The following DCUN1D3 variants were observed in gnomAD, a reference collection of about 807,000 sequenced individuals.
DCUN1D3 encodes the protein DCN1-like protein 3.
In DCUN1D3, 6 loss-of-function variants were observed where a neutral mutation model predicts 24.8. The ratio of observed to expected loss-of-function variants is 0.24; its 90% CI spans 0.13 to 0.48. The LOEUF is 0.48. Ranked by LOEUF, DCUN1D3 falls within the 20% of genes least tolerant of loss-of-function variation. The pLI, the probability that DCUN1D3 is intolerant of heterozygous loss-of-function variation, is 0.99. For synonymous variants in DCUN1D3, 120 were observed against 144.9 expected (o/e 0.83, Z 1.24); for missense variants, 258 against 379.4 (o/e 0.68, Z 2.66).
chr16:20,897,927 C>T (rs2081924540), intron 1 of DCUN1D3, among the ~76,000 whole-genome samples: 1 of 152,202 alleles, frequency 6.6e-6, no homozygotes. Flanking sequence ...AATTAATCAA[C>T]AAGCAGCATC....
intron 1 of DCUN1D3, among the ~76,000 whole-genome samples, chr16:20,864,903 TACTC>T (rs1469479250): frequency 1.3e-5 from 2 of 152,042 alleles, no homozygotes; most frequent in African/African-American, 4.8e-5. Context: ...GAAAACCAAA[TACTC>T]ACTTATAAAG....
At position 20,856,633 on chromosome 16, in the gene DCUN1D3, G is replaced by T. The variant is rs1000391026; in HGVS notation, c.*3253C>A. The T allele has an allele frequency of 6.6e-6, 1 of 152,126 alleles. No homozygotes were observed. Among genetic ancestry groups the T allele is most frequent in the Non-Finnish European group, 1.5e-5 (1 of 68,026 alleles). The allele number at this position is 152,126 out of a possible 1,614,324, so 9.4% of individuals were successfully genotyped here. A position where few individuals can be genotyped will look rare whatever the true frequency, so the allele number is the denominator to read the frequency against. On this transcript the variant is annotated 3_prime_UTR_variant, in exon 3 of 3. Transcript: ENST00000324344. ...GGTTTCCTGGACCCAACTCACACAG[G>T]TGGGCAGCACTTCAGCTGCTGAGAC...
At chr16:20,875,210 G>GCACGCGCACACA (rs1555497073) in intron 1 of DCUN1D3, among the ~76,000 whole-genome samples, 2 of 140,256 alleles carry the variant, frequency 1.4e-5, no homozygotes, top group African/African-American at 5.3e-5. Context: ...GTGCGCTCAT[G>GCACGCGCACACA]CACACACACA....
chr16:20,875,210 G>GAA (rs2081807838), intron 1 of DCUN1D3, among the ~76,000 whole-genome samples: 1 of 140,256 alleles, frequency 7.1e-6, no homozygotes, highest in African/African-American at 2.7e-5. Flanking sequence ...GTGCGCTCAT[G>GAA]CACACACACA....
At chr16:20,898,926 G>A (rs1237138128) in intron 1 of DCUN1D3, among the ~76,000 whole-genome samples, 1 of 152,142 alleles carries the variant, frequency 6.6e-6, no homozygotes, top group Admixed American at 6.5e-5. Context: ...TCAACAAAGA[G>A]GCCTTCTTTC....
At chr16:20,880,171 A>C (rs1322017959) in intron 1 of DCUN1D3, among the ~76,000 whole-genome samples, 2 of 152,156 alleles carry the variant, frequency 1.3e-5, no homozygotes, top group Non-Finnish European at 2.9e-5. Context: ...TTCCCTTGGG[A>C]CAAAAACATT....
At chr16:20,892,748 G>A (rs2081897751) in intron 1 of DCUN1D3, among the ~76,000 whole-genome samples, 1 of 152,036 alleles carries the variant, frequency 6.6e-6, no homozygotes, top group Non-Finnish European at 1.5e-5. Flanking sequence ...CCATTTTGGG[G>A]TTGGTTTGGG....
At chr16:20,878,575 A>G (rs1036334692) in intron 1 of DCUN1D3, among the ~76,000 whole-genome samples, 2 of 152,192 alleles carry the variant, frequency 1.3e-5, no homozygotes, top group Non-Finnish European at 2.9e-5. Flanking sequence ...CCCCACCTCA[A>G]CAAATAAAGG....
chr16:20,888,548 T>C (rs1318947428), intron 1 of DCUN1D3, among the ~76,000 whole-genome samples: 1 of 152,164 alleles, frequency 6.6e-6, no homozygotes, highest in Non-Finnish European at 1.5e-5. Flanking sequence ...AGCCTCAACT[T>C]TCCGGGCTAG....
intron 1 of DCUN1D3, among the ~76,000 whole-genome samples, chr16:20,896,646 T>C (rs995150537): frequency 3.3e-5 from 5 of 151,484 alleles, no homozygotes; most frequent in Non-Finnish European, 7.4e-5. Context: ...CAATAAACCA[T>C]TGAAATGAAA....
intron 1 of DCUN1D3, among the ~76,000 whole-genome samples, chr16:20,864,173 C>T (rs1186039522): frequency 6.6e-6 from 1 of 152,002 alleles, no homozygotes; most frequent in African/African-American, 2.4e-5. Context: ...AAGAAACTAT[C>T]GAGAGATAGC....
intron 1 of DCUN1D3, among the ~76,000 whole-genome samples, chr16:20,875,832 T>A (rs1309725287): frequency 6.6e-6 from 1 of 151,792 alleles, no homozygotes; most frequent in Non-Finnish European, 1.5e-5. Context: ...ATCAACAATG[T>A]GAAGAGACAA....
At chr16:20,889,102 C>T (rs918316300) in intron 1 of DCUN1D3, among the ~76,000 whole-genome samples, 1 of 152,104 alleles carries the variant, frequency 6.6e-6, no homozygotes, top group Non-Finnish European at 1.5e-5. Flanking sequence ...GTGGCACATG[C>T]CTGTAGTCCC....
At chr16:20,898,384 G>A (rs1375311749) in intron 1 of DCUN1D3, among the ~76,000 whole-genome samples, 1 of 152,204 alleles carries the variant, frequency 6.6e-6, no homozygotes, top group Non-Finnish European at 1.5e-5. Context: ...CCACTCCGAT[G>A]TAAGCTCCAT....
At position 20,859,547 on chromosome 16, in the gene DCUN1D3, AAAAAAAAAAAAACAAAAAAAAAC is replaced by A. The variant is rs2081718578; in HGVS notation, c.*316_*338del. On this transcript the variant is annotated 3_prime_UTR_variant, in exon 3 of 3. Coordinates refer to ENST00000324344, the MANE Select transcript of DCUN1D3 (RefSeq NM_173475.4). ...CTCTATGCCCTCCCCTACCAAAAAAAAAAAAAAAAAAACAAAAAAAAACAAAAAAAAAACCTAAATTTGTGCAA... is the reference window on the plus strand; with the variant it reads ...CTCTATGCCCTCCCCTACCAAAAAAAAAAAAAAAAACCTAAATTTGTGCAA... 1 of 180,412 alleles carries A rather than the reference AAAAAAAAAAAAACAAAAAAAAAC, an allele frequency of 5.5e-6. No individual in the cohort carries two copies. Among genetic ancestry groups the A allele is most frequent in the African/African-American group, 2.5e-5 (1 of 39,922 alleles). The allele number at this position is 180,412 out of a possible 1,614,324, so 11.2% of individuals were successfully genotyped here.
chr16:20,877,841 C>A (rs781220977), intron 1 of DCUN1D3, among the ~76,000 whole-genome samples: 10 of 152,150 alleles, frequency 6.6e-5, no homozygotes, highest in African/African-American at 2.2e-4. Context: ...TGTTGCCAGC[C>A]CAGAGTGCAG....
At chr16:20,894,032 C>T (rs1031564853) in intron 1 of DCUN1D3, among the ~76,000 whole-genome samples, 1 of 152,038 alleles carries the variant, frequency 6.6e-6, no homozygotes, top group Non-Finnish European at 1.5e-5. Context: ...TTTGGGAGGC[C>T]GAGGCAGGCA....
rs1382038030 is a variant in DCUN1D3, at chr16:20,857,084, T to C, written c.*2802A>G. ...CTTTTCACTTCCCAGAAGTATAACT[T>C]CAAACCCTACACACACCTCACCTTG... is the stretch of plus-strand genomic sequence containing the variant. On this transcript the variant is annotated 3_prime_UTR_variant, in exon 3 of 3. Coordinates refer to ENST00000324344, the MANE Select transcript of DCUN1D3 (RefSeq NM_173475.4). The C allele has an allele frequency of 6.6e-6, 1 of 152,176 alleles. No individual in the cohort carries two copies. The highest frequency in any genetic ancestry group is 1.9e-4 in the East Asian group (1 of 5,202). The allele number at this position is 152,176 out of a possible 1,614,324, so 9.4% of individuals were successfully genotyped here. A position where few individuals can be genotyped will look rare whatever the true frequency, so the allele number is the denominator to read the frequency against.
At chr16:20,878,490 T>G (rs986388293) in intron 1 of DCUN1D3, among the ~76,000 whole-genome samples, 4 of 152,178 alleles carry the variant, frequency 2.6e-5, no homozygotes, top group Non-Finnish European at 1.5e-5. Flanking sequence ...CACTGCACTC[T>G]AGGAAGACCA....
Sources: gnomAD v4.1 joint callset for allele counts (sites outside exome capture counted in the v4.1 genomes callset) on GRCh38, gnomAD v4.1.1 for gene constraint, MANE v1.5 for transcripts, NCBI Gene and HGNC (gene_info 2026-07-23, HGNC 2026-07-21) for gene names.